ASAP2: variants seen among roughly 807,000 people sequenced by gnomAD.
ASAP2 encodes the protein arf-GAP with SH3 domain, ANK repeat and PH domain-containing protein 2.
In ASAP2, 45 loss-of-function variants were observed where a neutral mutation model predicts 131.4. The observed-to-expected ratio is 0.34, with a 90% CI of 0.27 to 0.44. ASAP2 has a LOEUF of 0.44. ASAP2 is among the 20% of genes least tolerant of loss of function. ASAP2 has a pLI of 1.00. For synonymous variants in ASAP2, 510 were observed against 503.0 expected, an observed-to-expected ratio of 1.01 and a Z score of -0.19; for missense variants, 1,011 against 1,297.0, an observed-to-expected ratio of 0.78 and a Z score of 3.39.
intron 2 of ASAP2, among the ~76,000 whole-genome samples, chr2:9,293,986 A>T (rs1342965069): frequency 6.7e-6 from 1 of 148,780 alleles, no homozygotes; most frequent in Non-Finnish European, 1.5e-5. Context: ...GAAGATGTAT[A>T]AGGACAAGAA....
chr2:9,361,974 CGT>C (rs70948815), intron 15 of ASAP2, among the ~76,000 whole-genome samples: 3,519 of 143,086 alleles, frequency 0.025, 50 homozygotes, highest in South Asian at 0.058. Context: ...TCTTTCTCTG[CGT>C]GTGTGTGTGT....
chr2:9,327,780 C>T (rs777909069), intron 6 of ASAP2, 46 bp from the exon 7 acceptor site: 5 of 1,432,660 alleles, frequency 3.5e-6, no homozygotes, highest in East Asian at 2.4e-5. Flanking sequence ...CTTTTAAACT[C>T]GTATTCTGCT....
chr2:9,261,487 G>A (rs1169457723), intron 1 of ASAP2, among the ~76,000 whole-genome samples: 3 of 152,238 alleles, frequency 2.0e-5, no homozygotes, highest in African/African-American at 7.2e-5. Flanking sequence ...AGTGCTCTGT[G>A]GAGTGTAAAT....
intron 5 of ASAP2, among the ~76,000 whole-genome samples, chr2:9,321,361 C>T (rs980452160): frequency 6.6e-6 from 1 of 152,124 alleles, no homozygotes; most frequent in African/African-American, 2.4e-5. Context: ...TCTGGAGTTT[C>T]ATTGATGGTG....
chr2:9,374,013 G>A lies in ASAP2; in HGVS notation c.1557-742G>A, dbSNP rs550270078. On this transcript the variant is annotated intron_variant, in intron 16 of 27. Transcript: ENST00000281419. ...GTGAGGATGTATTGTGTGCATTTTC[G>A]CAAGTCAGACTTACAAGTCTAGAGA... is the stretch of plus-strand genomic sequence containing the variant. 5.9e-5 allele frequency among the ~76,000 whole-genome samples: 9 copies of A among 152,310 alleles called. No homozygotes were observed. The South Asian group carries it at 1.5e-3, about 25-fold the overall frequency.
At chr2:9,279,592 G>A (rs558437980) in intron 2 of ASAP2, among the ~76,000 whole-genome samples, 121 of 152,228 alleles carry the variant, frequency 7.9e-4, no homozygotes, top group African/African-American at 2.9e-3. Flanking sequence ...GTGGGATTTC[G>A]TCCCCTGTCA....
At chr2:9,260,329 C>T (rs1313548376) in intron 1 of ASAP2, among the ~76,000 whole-genome samples, 2 of 152,192 alleles carry the variant, frequency 1.3e-5, no homozygotes, top group African/African-American at 2.4e-5. Flanking sequence ...CTGCTGGGGG[C>T]GGGAAGGATG....
chr2:9,227,802 C>T (rs1249514232), intron 1 of ASAP2, among the ~76,000 whole-genome samples: 2 of 152,218 alleles, frequency 1.3e-5, no homozygotes, highest in Non-Finnish European at 2.9e-5. Context: ...TTAGAAACTT[C>T]TTTGACCAGC....
chr2:9,318,637 C>T (rs764939141), intron 4 of ASAP2, 39 bp downstream of exon 4: 3 of 1,470,222 alleles, frequency 2.0e-6, no homozygotes, highest in Admixed American at 3.6e-5. Flanking sequence ...GCAGCTTTTA[C>T]ACCATGTAGA....
intron 1 of ASAP2, among the ~76,000 whole-genome samples, chr2:9,242,077 T>C (rs953612784): frequency 2.0e-5 from 3 of 152,194 alleles, no homozygotes; most frequent in Non-Finnish European, 4.4e-5. Flanking sequence ...AGGCATAACA[T>C]GTACCTCACA....
intron 16 of ASAP2, among the ~76,000 whole-genome samples, chr2:9,372,502 T>C (rs929815824): frequency 4.6e-5 from 7 of 152,204 alleles, no homozygotes; most frequent in African/African-American, 1.7e-4. Context: ...CCTATGCCAA[T>C]TGATGTAAAC....
At chr2:9,279,197 C>T in intron 1 of ASAP2, 120 bp from the exon 2 acceptor site, 1 of 904,190 alleles carries the variant, frequency 1.1e-6, no homozygotes, top group Non-Finnish European at 1.8e-6. Flanking sequence ...AGGCTTGTCT[C>T]CCAGAAACAG....
At chr2:9,308,137 C>A (rs1416747640) in intron 3 of ASAP2, among the ~76,000 whole-genome samples, 1 of 152,126 alleles carries the variant, frequency 6.6e-6, no homozygotes, top group Non-Finnish European at 1.5e-5. Flanking sequence ...ACATATATAA[C>A]ACACACATAT....
At chr2:9,248,564 C>T (rs1664494683) in intron 1 of ASAP2, among the ~76,000 whole-genome samples, 1 of 152,026 alleles carries the variant, frequency 6.6e-6, no homozygotes, top group African/African-American at 2.4e-5. Flanking sequence ...CGGTTTCTTC[C>T]TCTGTAAAAC....
chr2:9,256,845 C>T (rs1302933610), intron 1 of ASAP2, among the ~76,000 whole-genome samples: 1 of 152,198 alleles, frequency 6.6e-6, no homozygotes. Context: ...AAAGCACTGA[C>T]CGAGAGTCAG....
intron 6 of ASAP2, among the ~76,000 whole-genome samples, chr2:9,324,331 A>G (rs918781983): frequency 6.6e-6 from 1 of 152,244 alleles, no homozygotes; most frequent in Admixed American, 6.5e-5. Context: ...TCAGGGTGGC[A>G]GTTGAAAGTT....
chr2:9,401,460 G>A (rs1007629558), intron 27 of ASAP2, 64 bp downstream of exon 27: 1 of 1,578,716 alleles, frequency 6.3e-7, no homozygotes, highest in Non-Finnish European at 8.6e-7. Flanking sequence ...CACCTGGCTG[G>A]AGAGACGGGC....
chr2:9,353,691 G>T (rs543702244), intron 12 of ASAP2, among the ~76,000 whole-genome samples: 1 of 152,328 alleles, frequency 6.6e-6, no homozygotes, highest in African/African-American at 2.4e-5. Context: ...CATCTGGTCA[G>T]TTCATCTTGG....
At chr2:9,399,065 A>G (rs1025607250) in intron 24 of ASAP2, 1 of 152,212 alleles carries the variant, frequency 6.6e-6, no homozygotes, top group East Asian at 1.9e-4. Context: ...GAATAAAACA[A>G]AGTTCCTTTT....
Sources: allele counts gnomAD v4.1 joint callset (sites outside exome capture counted in the v4.1 genomes callset), GRCh38; gene constraint gnomAD v4.1.1; transcripts MANE v1.5; gene names NCBI Gene and HGNC (gene_info 2026-07-23, HGNC 2026-07-21).